Variants in PPP1R13B observed in about 807,000 individuals in gnomAD.
PPP1R13B encodes the protein protein phosphatase 1 regulatory subunit 13B, also known as apoptosis-stimulating of p53 protein 1.
In PPP1R13B, 44 loss-of-function variants were observed where a neutral mutation model predicts 119.8. The ratio of observed to expected loss-of-function variants is 0.37; its 90% CI spans 0.29 to 0.47. The LOEUF is 0.47. PPP1R13B is among the 20% of genes least tolerant of loss of function. The probability of loss-of-function intolerance (pLI) is 0.99; values close to 1 mark genes in which losing one functional copy is unlikely to be tolerated. For missense variants in PPP1R13B, 1,227 were observed against 1,413.5 expected (o/e 0.87, Z 2.12); for synonymous variants, 542 against 561.5 (o/e 0.97, Z 0.49).
intron 4 of PPP1R13B, among the ~76,000 whole-genome samples, chr14:103,766,061 C>T (rs568899959): frequency 2.7e-4 from 41 of 150,978 alleles, no homozygotes; most frequent in African/African-American, 8.5e-4. Flanking sequence ...CAGGCTTGAG[C>T]GCAGTGGCGC....
chr14:103,749,728 A>G, intron 8 of PPP1R13B, 66 bp downstream of exon 8: 1 of 1,514,990 alleles, frequency 6.6e-7, no homozygotes, highest in South Asian at 1.2e-5. Context: ...TGCTACTTAC[A>G]GAAGATGGGC....
chr14:103,846,675 C>A (rs998530521), intron 1 of PPP1R13B: 3 of 451,414 alleles, frequency 6.6e-6, no homozygotes, highest in African/African-American at 4.0e-5. Context: ...TCTTTCTAGG[C>A]GAAAGCATCC....
chr14:103,742,376 A>G lies in PPP1R13B; in HGVS notation c.1321-85T>C, dbSNP rs908206851. ...CACCCACATTCCCAAGAGAATACAC[A>G]GTAGAATTTGTAATCCGTCAAATTG... On this transcript the variant is annotated intron_variant, in intron 10 of 16. Transcript: ENST00000202556. This position sits in a 1 kb window ranked among gnomAD's most constrained non-coding sequence, Gnocchi z 4.9. 5.0e-5 allele frequency: 73 copies of G among 1,469,136 alleles called. No homozygotes were observed. The highest frequency in any genetic ancestry group is 6.5e-5 in the Non-Finnish European group (72 of 1,106,180). 91.0% of individuals were successfully genotyped at this position (1,469,136 alleles called of 1,614,324 possible). A position where few individuals can be genotyped will look rare whatever the true frequency, so the allele number is the denominator to read the frequency against.
At chr14:103,767,987 C>T (rs1320831665) in intron 4 of PPP1R13B, among the ~76,000 whole-genome samples, 2 of 152,190 alleles carry the variant, frequency 1.3e-5, no homozygotes, top group African/African-American at 2.4e-5. Context: ...TGAGAGGAGA[C>T]TTCAGGTGGC....
intron 1 of PPP1R13B, among the ~76,000 whole-genome samples, chr14:103,836,338 G>T (rs2086777453): frequency 6.6e-6 from 1 of 152,046 alleles, no homozygotes; most frequent in Non-Finnish European, 1.5e-5. Flanking sequence ...GAACCACCAT[G>T]CCCAGCCCCT....
At chr14:103,847,675 G>A (rs1186063840), upstream of PPP1R13B, 10 of 952,672 alleles carry the variant, frequency 1.0e-5, no homozygotes, top group African/African-American at 1.8e-5. Flanking sequence ...GGCCCGGTGG[G>A]AGCGGGGGCG....
intron 1 of PPP1R13B, among the ~76,000 whole-genome samples, chr14:103,804,792 C>G (rs1314939613): frequency 6.6e-6 from 1 of 152,026 alleles, no homozygotes; most frequent in Admixed American, 6.6e-5. Flanking sequence ...CAGACAATCA[C>G]AAGCATTGAC....
chr14:103,756,004 A>T (rs1319206119), intron 5 of PPP1R13B, among the ~76,000 whole-genome samples: 1 of 152,238 alleles, frequency 6.6e-6, no homozygotes, highest in Non-Finnish European at 1.5e-5. Flanking sequence ...CATTTTAGTC[A>T]TAAAGAAAAT....
chr14:103,746,299 C>T lies in PPP1R13B; in HGVS notation c.1150+74G>A. ...GCAGAGCCTCAGGAGCCTGCCCCAC[C>T]CCCCGCCCCTCCACCGCAGGCCCCA... On this transcript the variant is annotated intron_variant, in intron 9 of 16. Transcript: ENST00000202556. 1.5e-5 allele frequency: 3 copies of T among 199,798 alleles called. 1 individual carries two copies. The highest frequency in any genetic ancestry group is 3.4e-5 in the Non-Finnish European group (3 of 88,616). The allele number at this position is 199,798 out of a possible 1,614,324, so 12.4% of individuals were successfully genotyped here. A position where few individuals can be genotyped will look rare whatever the true frequency, so the allele number is the denominator to read the frequency against.
intron 1 of PPP1R13B, among the ~76,000 whole-genome samples, chr14:103,838,511 G>C (rs933440664): frequency 6.6e-6 from 1 of 152,160 alleles, no homozygotes; most frequent in African/African-American, 2.4e-5. Context: ...TCTGAAATTA[G>C]ACAGTGGCAA....
At chr14:103,820,791 C>A (rs922594484) in intron 1 of PPP1R13B, among the ~76,000 whole-genome samples, 2 of 151,848 alleles carry the variant, frequency 1.3e-5, no homozygotes, top group African/African-American at 2.4e-5. Context: ...AGCCACTGCA[C>A]CCAGCCCTAG....
intron 3 of PPP1R13B, among the ~76,000 whole-genome samples, chr14:103,782,850 C>T (rs1396732644): frequency 6.6e-6 from 1 of 151,662 alleles, no homozygotes; most frequent in African/African-American, 2.4e-5. Context: ...GTTGCCCAGG[C>T]TAGAGTGCAA....
Position 103,754,078 on chromosome 14 carries a change from C to T in PPP1R13B, c.623G>A (p.Gly208Asp), listed in dbSNP as rs759930466. The T allele has an allele frequency of 1.2e-6, 2 of 1,613,822 alleles. No homozygotes were observed. Among genetic ancestry groups the T allele is most frequent in the Non-Finnish European group, 1.7e-6 (2 of 1,179,902 alleles). Residue 208 changes from glycine (G) to aspartate (D), a missense_variant, in exon 6 of 17, where the codon GGC (glycine) becomes GAC (aspartate). Gly to Asp is a moderately conservative substitution (Grantham distance 94). Transcript: ENST00000202556. ...GTGTTGCAGGCACGTACACAGATTG[C>T]CGTTCATGATTTTGCTGTAGTCGAC... ...GQVDYSKIMNGNLSAEIERFS... is the reference protein window; with the variant it reads ...GQVDYSKIMNDNLSAEIERFS...
At chr14:103,804,661 G>C (rs1177570246) in intron 1 of PPP1R13B, among the ~76,000 whole-genome samples, 1 of 151,984 alleles carries the variant, frequency 6.6e-6, no homozygotes, top group African/African-American at 2.4e-5. Flanking sequence ...ATAAGCCCAG[G>C]AGTTCAGTGC....
chr14:103,742,100 G>A lies in PPP1R13B; in HGVS notation c.1512C>T (p.Pro504=), dbSNP rs766878980. ...LPSRQRPTLL[P]ATGSTPQPGS... ...CTGGCTGGGGGGTGCTGCCTGTGGCGGGCAGCAGGGTGGGCCTCTGTCGAC... is the reference window on the plus strand; with the variant it reads ...CTGGCTGGGGGGTGCTGCCTGTGGCAGGCAGCAGGGTGGGCCTCTGTCGAC... The change falls in exon 11 of 17, where the codon CCC becomes CCT. Residue 504 remains proline, a synonymous_variant. Transcript: ENST00000202556. This position sits in a 1 kb window ranked among gnomAD's most constrained non-coding sequence, Gnocchi z 4.9. 81 of 1,613,466 alleles carry A rather than the reference G, an allele frequency of 5.0e-5. No homozygotes were observed. The highest frequency in any genetic ancestry group is 6.6e-5 in the Non-Finnish European group (78 of 1,179,964).
chr14:103,841,973 C>A (rs987071029), intron 1 of PPP1R13B, among the ~76,000 whole-genome samples: 16 of 152,156 alleles, frequency 1.1e-4, no homozygotes, highest in African/African-American at 3.9e-4. Context: ...AAGGTCCTCA[C>A]TAACAAGTAG....
intron 4 of PPP1R13B, among the ~76,000 whole-genome samples, chr14:103,760,658 G>A (rs1484343039): frequency 6.6e-6 from 1 of 151,886 alleles, no homozygotes; most frequent in South Asian, 2.1e-4. Context: ...CTCCAACACC[G>A]ATGTTCACTA....
chr14:103,774,677 A>G (rs184237071), intron 4 of PPP1R13B, among the ~76,000 whole-genome samples: 1 of 152,076 alleles, frequency 6.6e-6, no homozygotes, highest in Non-Finnish European at 1.5e-5. Flanking sequence ...GCTCTCCTTA[A>G]TCTATCCTTA....
intron 1 of PPP1R13B, among the ~76,000 whole-genome samples, chr14:103,838,860 G>A (rs1595846809): frequency 6.6e-6 from 1 of 152,158 alleles, no homozygotes; most frequent in Admixed American, 6.5e-5. Flanking sequence ...GCCCACAAAT[G>A]GCAATGCCAG....
Sources: allele counts gnomAD v4.1 joint callset (sites outside exome capture counted in the v4.1 genomes callset), GRCh38; gene constraint gnomAD v4.1.1; non-coding constraint Gnocchi (gnomAD v3.1); transcripts MANE v1.5; gene names NCBI Gene and HGNC (gene_info 2026-07-23, HGNC 2026-07-21).